The following LSAMP variants were observed in gnomAD, a reference collection of about 807,000 sequenced individuals.
The protein encoded by LSAMP is limbic system associated membrane protein, also known as limbic system-associated membrane protein.
In LSAMP, 7 loss-of-function variants were observed where a neutral mutation model predicts 38.6. That is an observed-to-expected ratio of 0.18 (90% CI 0.10 to 0.34). The LOEUF (loss-of-function observed/expected upper bound fraction) is 0.34. Among genes scored for constraint, LSAMP ranks in the 10% least tolerant of loss-of-function variants. The pLI is 1.00. For synonymous variants in LSAMP, 154 were observed against 166.8 expected, an observed-to-expected ratio of 0.92 and a Z score of 0.59; for missense variants, 313 against 420.0, an observed-to-expected ratio of 0.75 and a Z score of 2.23.
At chr3:116,270,651 A>C (rs1213565877) in intron 1 of LSAMP, among the ~76,000 whole-genome samples, 1 of 152,120 alleles carries the variant, frequency 6.6e-6, no homozygotes, top group Non-Finnish European at 1.5e-5. Context: ...ACAACTGTGA[A>C]CTGCCCAGGG....
At chr3:115,849,215 C>T (rs1476445387) in intron 4 of LSAMP, among the ~76,000 whole-genome samples, 1 of 152,150 alleles carries the variant, frequency 6.6e-6, no homozygotes, top group Non-Finnish European at 1.5e-5. Flanking sequence ...TCCGTAAATT[C>T]CAGGACCTCC....
chr3:116,054,264 C>T (rs1194139192), intron 2 of LSAMP, among the ~76,000 whole-genome samples: 1 of 152,148 alleles, frequency 6.6e-6, no homozygotes, highest in African/African-American at 2.4e-5. Context: ...TTTTAAGGAT[C>T]CTTGTGATTA....
At chr3:116,190,318 C>T (rs1480560602) in intron 1 of LSAMP, among the ~76,000 whole-genome samples, 7 of 152,074 alleles carry the variant, frequency 4.6e-5, no homozygotes, top group Admixed American at 2.0e-4. Context: ...TTTTATTAGA[C>T]GCAGCCCAGA....
chr3:116,005,401 T>TCCCAGTC (rs1940127371), intron 3 of LSAMP, among the ~76,000 whole-genome samples: 4 of 152,276 alleles, frequency 2.6e-5, no homozygotes, highest in Admixed American at 2.0e-4. Flanking sequence ...CTTTATCCCA[T>TCCCAGTC]CCCAGTCCCC....
intron 2 of LSAMP, among the ~76,000 whole-genome samples, chr3:116,034,003 A>G (rs1003336188): frequency 6.6e-6 from 1 of 152,128 alleles, no homozygotes; most frequent in African/African-American, 2.4e-5. Flanking sequence ...TAGAGACTAC[A>G]TTTGAGTTTC....
In LSAMP at chr3:115,913,872, C is replaced by T. The variant is rs535294536; in HGVS notation, c.515-61255G>A. Among the ~76,000 whole-genome samples the T allele has an allele frequency of 2.8e-4, 43 of 152,112 alleles. No homozygotes were observed. In the South Asian group the frequency reaches 5.8e-3, roughly 21 times the overall value. On this transcript the variant is annotated intron_variant, in intron 3 of 6. Coordinates refer to ENST00000490035, the MANE Select transcript of LSAMP (RefSeq NM_002338.5). ...TAAGGGCCGAAATCCATCTATGTCA[C>T]GCTGAATGAACCATGTATTAAACGA...
chr3:116,291,425 G>A (rs376848084), intron 1 of LSAMP, among the ~76,000 whole-genome samples: 13 of 152,274 alleles, frequency 8.5e-5, no homozygotes, highest in Admixed American at 2.6e-4. Context: ...TGGGCAAGAC[G>A]CTTAACCTCC....
chr3:116,159,540 A>G (rs1018987769), intron 1 of LSAMP, among the ~76,000 whole-genome samples: 2 of 152,202 alleles, frequency 1.3e-5, no homozygotes, highest in Non-Finnish European at 2.9e-5. Flanking sequence ...TGTAAATAAA[A>G]ACCACGAGAT....
At chr3:116,435,205 C>T (rs868581453) in intron 1 of LSAMP, among the ~76,000 whole-genome samples, 29 of 152,146 alleles carry the variant, frequency 1.9e-4, no homozygotes, top group African/African-American at 5.8e-4. Flanking sequence ...TGGTACAGAG[C>T]TTCAGCTCTA....
chr3:116,181,994 A>G (rs1710496057), intron 1 of LSAMP, among the ~76,000 whole-genome samples: 1 of 152,000 alleles, frequency 6.6e-6, no homozygotes, highest in Admixed American at 6.6e-5. Context: ...AAGAAAACTT[A>G]AAGACAAAAA....
intron 1 of LSAMP, among the ~76,000 whole-genome samples, chr3:116,119,785 C>T (rs981619850): frequency 4.0e-5 from 6 of 151,714 alleles, no homozygotes; most frequent in East Asian, 3.9e-4. Context: ...CTCAGCCTCC[C>T]GAGTAGCTGG....
At chr3:115,868,412 C>T (rs2107383680) in intron 3 of LSAMP, among the ~76,000 whole-genome samples, 1 of 152,188 alleles carries the variant, frequency 6.6e-6, no homozygotes. Context: ...CTCTCTCCAT[C>T]AAGTTGTCAA....
intron 1 of LSAMP, among the ~76,000 whole-genome samples, chr3:116,256,149 T>TA (rs1285754622): frequency 6.6e-6 from 1 of 152,202 alleles, no homozygotes; most frequent in African/African-American, 2.4e-5. Flanking sequence ...AAAAGAAGGT[T>TA]AAAAAATTAA....
rs141357614 is a variant in LSAMP at position 116,042,287 on chromosome 3, C to G, written c.389-22647G>C. ...TTAATCCTCTGTCCTACTGTAGGAG[C>G]TATTAATGGTACTAATGGAAATACC... On this transcript the variant is annotated intron_variant, in intron 2 of 6. Transcript: ENST00000490035. Among the ~76,000 whole-genome samples, 373 of 152,246 alleles carry G rather than the reference C, an allele frequency of 2.4e-3. 3 individuals carry two copies. Among genetic ancestry groups the G allele is most frequent in the African/African-American group, 8.6e-3 (358 of 41,518 alleles).
intron 1 of LSAMP, among the ~76,000 whole-genome samples, chr3:116,108,910 G>A (rs951323176): frequency 1.3e-5 from 2 of 151,964 alleles, no homozygotes; most frequent in African/African-American, 2.4e-5. Flanking sequence ...ACTTTTTTCT[G>A]TTATTGTACA....
intron 3 of LSAMP, among the ~76,000 whole-genome samples, chr3:115,853,230 A>T (rs1328737802): frequency 6.6e-6 from 1 of 152,212 alleles, no homozygotes; most frequent in Non-Finnish European, 1.5e-5. Flanking sequence ...AGATTCTGTT[A>T]AATTCTGTTC....
chr3:116,332,718 A>G (rs2047867040), intron 1 of LSAMP, among the ~76,000 whole-genome samples: 1 of 152,184 alleles, frequency 6.6e-6, no homozygotes, highest in Non-Finnish European at 1.5e-5. Flanking sequence ...ATAAAAATAC[A>G]TGATCCAATT....
chr3:115,872,461 G>A (rs1044658572), intron 3 of LSAMP, among the ~76,000 whole-genome samples: 3 of 152,054 alleles, frequency 2.0e-5, no homozygotes, highest in African/African-American at 7.2e-5. Context: ...GGATCAAGAG[G>A]GAAAACTACA....
chr3:115,883,137 T>G (rs1446331476), intron 3 of LSAMP, among the ~76,000 whole-genome samples: 2 of 152,098 alleles, frequency 1.3e-5, no homozygotes, highest in Non-Finnish European at 2.9e-5. Flanking sequence ...TCTCAGTTCT[T>G]AAAACTTTAT....
Sources: allele counts gnomAD v4.1 joint callset (sites outside exome capture counted in the v4.1 genomes callset), GRCh38; gene constraint gnomAD v4.1.1; transcripts MANE v1.5; gene names NCBI Gene and HGNC (gene_info 2026-07-23, HGNC 2026-07-21).